The following ATR variants were observed in gnomAD, a reference collection of about 807,000 sequenced individuals.
The protein encoded by ATR is serine/threonine-protein kinase ATR.
A neutral mutation model predicts 305.3 loss-of-function variants in ATR; 142 were observed. The observed-to-expected ratio is 0.47, with a 90% CI of 0.41 to 0.53. ATR has a LOEUF of 0.53. ATR is among the 20% of genes least tolerant of loss of function. The pLI is 0.00. For missense variants in ATR, 2,135 were observed against 3,133.1 expected, an observed-to-expected ratio of 0.68 and a Z score of 7.60; for synonymous variants, 1,050 against 1,068.1, an observed-to-expected ratio of 0.98 and a Z score of 0.33.
chr3:142,571,334 C>T (rs1226499329), intron 1 of ATR, among the ~76,000 whole-genome samples: 5 of 152,020 alleles, frequency 3.3e-5, no homozygotes, highest in Admixed American at 1.3e-4. Flanking sequence ...GGTGTGGTGG[C>T]GGGCGCCTGT....
At chr3:142,562,117 A>T in intron 4 of ATR, 115 bp downstream of exon 4, 1 of 1,157,950 alleles carries the variant, frequency 8.6e-7, no homozygotes, top group Non-Finnish European at 1.2e-6. Flanking sequence ...TATGTTCCAA[A>T]TATAAATTAC....
At chr3:142,536,384 C>A (rs545550055) in intron 19 of ATR, among the ~76,000 whole-genome samples, 183 bp from the exon 20 acceptor site, 1 of 152,294 alleles carries the variant, frequency 6.6e-6, no homozygotes, top group East Asian at 1.9e-4. Context: ...TGGAAAATGA[C>A]CAAAGCTATG....
In ATR at chr3:142,562,652, G is replaced by C. The variant is rs148033779; in HGVS notation, c.750C>G (p.Ser250Arg). Residue 250 changes from serine to arginine, a missense_variant, in exon 4 of 47, where the codon AGC becomes AGG. By Grantham distance (110) the Ser-to-Arg change is moderately radical. Around this residue, in one of 9 missense-constraint regions of ATR, gnomAD observed 744 missense variants for 873.2 expected, o/e 0.85. Coordinates refer to ENST00000350721, the MANE Select transcript of ATR (RefSeq NM_001184.4). The stretch of plus-strand genomic sequence containing the variant: ...CAAGCTGAAAAAGTTCTGTTAAAAA[G>C]CTAATTGCTAGGGATTTAATTTTTG... ...GSPKIKSLAI[S>R]FLTELFQLGG... is the part of the protein sequence containing the mutation. 1.2e-5 allele frequency: 19 copies of C among 1,613,906 alleles called. No individual in the cohort carries two copies. The highest frequency in any genetic ancestry group is 1.5e-5 in the Non-Finnish European group (18 of 1,179,980).
intron 18 of ATR, among the ~76,000 whole-genome samples, chr3:142,540,216 A>T (rs1427246238): frequency 6.6e-6 from 1 of 152,194 alleles, no homozygotes; most frequent in Non-Finnish European, 1.5e-5. Flanking sequence ...AAATAAGTAA[A>T]ATGTGTGAGT....
intron 21 of ATR, among the ~76,000 whole-genome samples, chr3:142,528,487 T>C (rs1276937700): frequency 2.0e-5 from 3 of 152,146 alleles, no homozygotes; most frequent in Non-Finnish European, 2.9e-5. Flanking sequence ...TTCAGTTCTA[T>C]TTTGTTTGGT....
Position 142,561,293 on chromosome 3 carries a change from ACGAC to A in ATR, c.1295_1298del (p.Arg432LeufsTer6), listed in dbSNP as rs1306920389. 6.2e-7 allele frequency: 1 copy of A among 1,614,000 alleles called. No individual in the cohort carries two copies. The highest frequency in any genetic ancestry group is 8.5e-7 in the Non-Finnish European group (1 of 1,179,994). Reference sequence around the variant, plus strand: ...TAGAAGGGTTTAGAGACGAGCTGAGACGACGCCTTTTGGGTGATATTCCATCACT... The same window carrying A: ...TAGAAGGGTTTAGAGACGAGCTGAGAGCCTTTTGGGTGATATTCCATCACT... On this transcript the variant is annotated frameshift_variant, in exon 5 of 47. Transcript: ENST00000350721. LOFTEE classifies it high-confidence loss of function.
chr3:142,501,948 T>C (rs370441716), intron 30 of ATR, among the ~76,000 whole-genome samples: 1 of 152,174 alleles, frequency 6.6e-6, no homozygotes, highest in East Asian at 1.9e-4. Context: ...GGTTTTACCA[T>C]GTTGGCCAGG....
intron 35 of ATR, among the ~76,000 whole-genome samples, chr3:142,487,971 C>T (rs1387216780): frequency 1.3e-5 from 2 of 152,188 alleles, no homozygotes; most frequent in African/African-American, 2.4e-5. Flanking sequence ...CAGATAGATA[C>T]ACTTGCCAAC....
At chr3:142,453,295 T>C (rs1036818020) in intron 45 of ATR, 62 bp from the exon 46 acceptor site, 20 of 1,548,378 alleles carry the variant, frequency 1.3e-5, no homozygotes, top group Non-Finnish European at 1.8e-5. Context: ...CTTGCTGACA[T>C]CAATATTTAA....
At chr3:142,494,942 A>C (rs1337838199) in intron 34 of ATR, among the ~76,000 whole-genome samples, 1 of 152,212 alleles carries the variant, frequency 6.6e-6, no homozygotes, top group Non-Finnish European at 1.5e-5. Context: ...TAAAGTCATA[A>C]GTTAAAGCAG....
At chr3:142,493,760 C>T (rs1005681259) in intron 34 of ATR, among the ~76,000 whole-genome samples, 5 of 151,668 alleles carry the variant, frequency 3.3e-5, no homozygotes, top group South Asian at 2.1e-4. Context: ...TCCAGCTACT[C>T]GGGAGGCTGA....
chr3:142,553,833 T>A lies in ATR; in HGVS notation c.2524A>T (p.Ile842Leu). 1 of 1,613,530 alleles carries A rather than the reference T, an allele frequency of 6.2e-7. No homozygotes were observed. The highest frequency in any genetic ancestry group is 8.5e-7 in the Non-Finnish European group (1 of 1,179,674). The stretch of plus-strand genomic sequence containing the variant: ...AAACAAAAATTATCAACCTCCTTTA[T>A]AAATCCATCTTCAGAGTCCAAGGAT... ...LESLDSEDGF[I>L]KELFVLRMKE... The change falls in exon 11 of 47, where the codon ATA (isoleucine) becomes TTA (leucine). Residue 842 changes from isoleucine (I) to leucine (L), a missense_variant. Physicochemically the swap from Ile to Leu is conservative, Grantham distance 5. This residue lies in a region of ATR where 530 missense variants were observed against 766.8 expected (regional missense o/e 0.69). Coordinates refer to ENST00000350721, the MANE Select transcript of ATR (RefSeq NM_001184.4).
At position 142,556,075 on chromosome 3, in the gene ATR, C is replaced by A. The variant is rs1177859208; in HGVS notation, c.2143G>T (p.Val715Phe). The A allele has an allele frequency of 6.2e-7, 1 of 1,613,800 alleles. No individual in the cohort carries two copies. Residue 715 changes from valine to phenylalanine, a missense_variant, in exon 10 of 47, where the codon GTC (valine) becomes TTC (phenylalanine). Around this residue, in one of 9 missense-constraint regions of ATR, gnomAD observed 744 missense variants for 873.2 expected, o/e 0.85. Coordinates refer to ENST00000350721, the MANE Select transcript of ATR (RefSeq NM_001184.4). Reference protein sequence around the residue: ...KEFASILGQLVCTLHGMFYLT... With the variant: ...KEFASILGQLFCTLHGMFYLT... Reference sequence around the variant, plus strand: ...TAAAACATGCCGTGAAGAGTACAGACAAGTTGACCAAGTATAGAAGCAAAT... The same window carrying A: ...TAAAACATGCCGTGAAGAGTACAGAAAAGTTGACCAAGTATAGAAGCAAAT...
At position 142,527,625 on chromosome 3, in the gene ATR, C is replaced by T. The variant is rs188903755; in HGVS notation, c.3946-3426G>A. ...TTTTACTCATTAATTAATTTTACTG[C>T]TTTCTGTTCTCTATATTTCTGCTTT... On this transcript the variant is annotated intron_variant, in intron 21 of 46. Transcript: ENST00000350721. Among the ~76,000 whole-genome samples, 625 of 152,120 alleles carry T rather than the reference C, an allele frequency of 4.1e-3. 12 individuals carry two copies. Among genetic ancestry groups the T allele is most frequent in the African/African-American group, 0.015 (606 of 41,506 alleles).
At chr3:142,509,416 G>A (rs1228312934) in intron 27 of ATR, among the ~76,000 whole-genome samples, 2 of 151,824 alleles carry the variant, frequency 1.3e-5, no homozygotes, top group Non-Finnish European at 1.5e-5. Flanking sequence ...CTCCTGCCTC[G>A]GCCTCCCAAA....
At chr3:142,522,968 C>A in intron 22 of ATR, 127 bp from the exon 23 acceptor site, 1 of 754,774 alleles carries the variant, frequency 1.3e-6, no homozygotes, top group Admixed American at 2.2e-5. Context: ...AAGGAAAAGA[C>A]AGTGAGGTTC....
At position 142,553,889 on chromosome 3, in the gene ATR, G is replaced by C; in HGVS notation, c.2468C>G (p.Ala823Gly). The change falls in exon 11 of 47, where the codon GCT becomes GGT. Residue 823 changes from alanine to glycine, a missense_variant. By Grantham distance (60) the Ala-to-Gly change is moderately conservative. Around this residue, in one of 9 missense-constraint regions of ATR, gnomAD observed 530 missense variants for 766.8 expected, o/e 0.69. Transcript: ENST00000350721. ...MEDPDKDVRVAFSGNIKHILE... is the reference protein window; with the variant it reads ...MEDPDKDVRVGFSGNIKHILE... ...TATGTGCTTGATATTTCCACTAAAA[G>C]CCACTCTAACATCTTTGTCTGGATC... 2 of 1,613,440 alleles carry C rather than the reference G, an allele frequency of 1.2e-6. No homozygotes were observed. The highest frequency in any genetic ancestry group is 2.2e-5 in the East Asian group (1 of 44,744).
chr3:142,549,694 T>C (rs2034405139), intron 14 of ATR, 21 bp from the exon 15 acceptor site: 1 of 1,605,118 alleles, frequency 6.2e-7, no homozygotes, highest in Non-Finnish European at 8.5e-7. Flanking sequence ...ATGCAACAAT[T>C]ACCAAAAAGT....
chr3:142,521,080 G>A lies in ATR; in HGVS notation c.4267-1296C>T, dbSNP rs191828856. On this transcript the variant is annotated intron_variant, in intron 23 of 46. Coordinates refer to ENST00000350721, the MANE Select transcript of ATR (RefSeq NM_001184.4). ...AATTAGGCTAAATCTAAATATATGC[G>A]TCTACTATATACCCATAAAAATTGA... 3.1e-3 allele frequency among the ~76,000 whole-genome samples: 475 copies of A among 152,042 alleles called. 1 individual carries two copies. The highest frequency in any genetic ancestry group is 9.4e-3 in the African/African-American group (390 of 41,460).
Sources: gnomAD v4.1 joint callset for allele counts (sites outside exome capture counted in the v4.1 genomes callset) on GRCh38, gnomAD v4.1.1 for gene constraint, gnomAD v4.1.1 regional missense constraint, MANE v1.5 for transcripts, NCBI Gene and HGNC (gene_info 2026-07-23, HGNC 2026-07-21) for gene names.